MAP2K4: variants seen among roughly 807,000 people sequenced by gnomAD.
MAP2K4 encodes the protein mitogen-activated protein kinase kinase 4, also known as dual specificity mitogen-activated protein kinase kinase 4.
MAP2K4 carries 4 observed loss-of-function variants against 48.5 expected under a neutral mutation model. The ratio of observed to expected loss-of-function variants is 0.08; its 90% CI spans 0.04 to 0.19. The LOEUF is 0.19. Among genes scored for constraint, MAP2K4 ranks in the 10% least tolerant of loss-of-function variants. MAP2K4 has a pLI of 1.00. For missense variants in MAP2K4, 258 were observed against 493.3 expected (o/e 0.52, Z 4.52); for synonymous variants, 166 against 173.1 (o/e 0.96, Z 0.32).
chr17:12,052,199 G>A (rs992107636), intron 1 of MAP2K4, among the ~76,000 whole-genome samples: 2 of 152,124 alleles, frequency 1.3e-5, no homozygotes, highest in Non-Finnish European at 2.9e-5. Context: ...GAAAGGCTTC[G>A]AAACCTACAG....
In MAP2K4 at chr17:12,115,600, C is replaced by A. The variant is rs1284187546; in HGVS notation, c.813+2240C>A. The stretch of plus-strand genomic sequence containing the variant: ...CTGCTTTTGTTGTTGATGAAGTGAG[C>A]AAATTGTAAAAGAGGCTATAGAAAG... On this transcript the variant is annotated intron_variant, in intron 7 of 10. Transcript: ENST00000353533. The A allele has an allele frequency of 8.3e-6, 6 of 725,742 alleles. No homozygotes were observed. The African/African-American group carries it at 8.6e-5, about 10-fold the overall frequency. 45.0% of individuals were successfully genotyped at this position (725,742 alleles called of 1,614,324 possible).
At chr17:12,116,952 C>T (rs1030954934) in intron 7 of MAP2K4, among the ~76,000 whole-genome samples, 1 of 152,086 alleles carries the variant, frequency 6.6e-6, no homozygotes, top group Non-Finnish European at 1.5e-5. Context: ...AGTAATGTGT[C>T]ACTCTACGTT....
intron 2 of MAP2K4, among the ~76,000 whole-genome samples, chr17:12,080,761 C>T (rs1971163790): frequency 6.6e-6 from 1 of 152,154 alleles, no homozygotes; most frequent in East Asian, 1.9e-4. Flanking sequence ...CTGGAATCAT[C>T]TGGGGGTCTT....
At chr17:12,137,148 T>C (rs960847648) in intron 9 of MAP2K4, among the ~76,000 whole-genome samples, 6 of 152,188 alleles carry the variant, frequency 3.9e-5, no homozygotes, top group African/African-American at 1.4e-4. Context: ...TATCCCTGGC[T>C]CCCAGTTCAG....
At chr17:12,128,964 A>G (rs1294711200) in intron 8 of MAP2K4, among the ~76,000 whole-genome samples, 175 bp from the exon 9 acceptor site, 2 of 152,222 alleles carry the variant, frequency 1.3e-5, no homozygotes, top group Admixed American at 6.5e-5. Flanking sequence ...TGATTTCTAA[A>G]TATAACTTCT....
At chr17:12,077,597 T>A (rs770042260) in intron 2 of MAP2K4, among the ~76,000 whole-genome samples, 4 of 152,148 alleles carry the variant, frequency 2.6e-5, no homozygotes, top group Non-Finnish European at 5.9e-5. Flanking sequence ...TGAGTGTGGC[T>A]GGAGCTCTAG....
chr17:12,125,470 A>C, intron 8 of MAP2K4, 99 bp downstream of exon 8: 1 of 909,110 alleles, frequency 1.1e-6, no homozygotes, highest in South Asian at 1.3e-5. Flanking sequence ...GTTAAGAACT[A>C]TAATCACAGA....
At chr17:12,051,606 A>C (rs1255623029) in intron 1 of MAP2K4, among the ~76,000 whole-genome samples, 5 of 152,200 alleles carry the variant, frequency 3.3e-5, no homozygotes, top group Non-Finnish European at 7.4e-5. Context: ...GTTTTTGATC[A>C]GTTATTTTAA....
intron 1 of MAP2K4, among the ~76,000 whole-genome samples, chr17:12,053,416 T>A (rs1349475218): frequency 6.6e-6 from 1 of 152,092 alleles, no homozygotes; most frequent in Non-Finnish European, 1.5e-5. Context: ...TTCTTATCAC[T>A]TTTTTTCTAT....
intron 2 of MAP2K4, among the ~76,000 whole-genome samples, chr17:12,062,576 G>A (rs748904561): frequency 1.3e-5 from 2 of 152,098 alleles, no homozygotes; most frequent in Non-Finnish European, 2.9e-5. Context: ...CTATCTTCCT[G>A]CCTCGGCCTC....
At chr17:12,121,512 T>C (rs1406201257) in intron 7 of MAP2K4, among the ~76,000 whole-genome samples, 4 of 150,914 alleles carry the variant, frequency 2.7e-5, no homozygotes, top group Admixed American at 2.0e-4. Flanking sequence ...GAGGCGGAGC[T>C]TGCAGTGAGC....
chr17:12,116,242 A>T (rs1972489113), intron 7 of MAP2K4, among the ~76,000 whole-genome samples: 3 of 152,192 alleles, frequency 2.0e-5, no homozygotes, highest in Admixed American at 6.5e-5. Context: ...AATCTAAAAA[A>T]ATATGGTATA....
chr17:12,130,259 A>G (rs1477525103), intron 9 of MAP2K4, among the ~76,000 whole-genome samples: 2 of 152,118 alleles, frequency 1.3e-5, no homozygotes, highest in East Asian at 3.9e-4. Context: ...ACCAAATTCT[A>G]CTTTTGTGTT....
In MAP2K4 at chr17:12,141,217, A is replaced by G; in HGVS notation, c.1157A>G (p.Asp386Gly). The change falls in exon 11 of 11, where the codon GAT becomes GGT. Residue 386 changes from aspartate (D) to glycine (G), a missense_variant. Physicochemically the swap from Asp to Gly is moderately conservative, Grantham distance 94. Around this residue, in one of 3 missense-constraint regions of MAP2K4, gnomAD observed 57 missense variants for 84.3 expected, o/e 0.68. Transcript: ENST00000353533. ...EVACYVCKIL[D>G]QMPATPSSPM... ...GCATGCTATGTTTGTAAAATCCTGG[A>G]TCAAATGCCAGCTACTCCCAGCTCT... is the stretch of plus-strand genomic sequence containing the variant. The G allele has an allele frequency of 6.2e-7, 1 of 1,613,846 alleles. No individual in the cohort carries two copies. Among genetic ancestry groups the G allele is most frequent in the South Asian group, 1.1e-5 (1 of 91,076 alleles).
chr17:12,022,655 C>T (rs1425160124), intron 1 of MAP2K4, among the ~76,000 whole-genome samples: 2 of 152,140 alleles, frequency 1.3e-5, no homozygotes, highest in Admixed American at 6.5e-5. Flanking sequence ...CTGCATAAAA[C>T]GCTCATGCTG....
chr17:12,069,233 G>T (rs1597434295), intron 2 of MAP2K4, among the ~76,000 whole-genome samples: 1 of 152,168 alleles, frequency 6.6e-6, no homozygotes, highest in Non-Finnish European at 1.5e-5. Flanking sequence ...TTGGGAAGAG[G>T]TTTTAGCTGC....
intron 9 of MAP2K4, among the ~76,000 whole-genome samples, chr17:12,131,154 C>T (rs1307021262): frequency 2.6e-5 from 4 of 151,704 alleles, no homozygotes; most frequent in Admixed American, 1.3e-4. Context: ...TAGAGACTTC[C>T]TCTTGTCCTT....
intron 1 of MAP2K4, chr17:12,021,658 T>C (rs1969065260): frequency 7.0e-6 from 1 of 142,526 alleles, no homozygotes; most frequent in Admixed American, 7.4e-5. Flanking sequence ...ACCTGTAAGG[T>C]AGGTAGGCTG....
chr17:12,134,314 T>C (rs906898693), intron 9 of MAP2K4, among the ~76,000 whole-genome samples: 12 of 152,058 alleles, frequency 7.9e-5, no homozygotes, highest in African/African-American at 2.2e-4. Flanking sequence ...TCTAAACAAA[T>C]ATTTCCTTTA....
Sources: gnomAD v4.1 joint callset for allele counts (sites outside exome capture counted in the v4.1 genomes callset) on GRCh38, gnomAD v4.1.1 for gene constraint, gnomAD v4.1.1 regional missense constraint, MANE v1.5 for transcripts, NCBI Gene and HGNC (gene_info 2026-07-23, HGNC 2026-07-21) for gene names.